NSD2: variants seen among roughly 807,000 people sequenced by gnomAD.
NSD2 encodes histone-lysine N-methyltransferase NSD2.
In NSD2, 12 loss-of-function variants were observed where a neutral mutation model predicts 139.0. That is an observed-to-expected ratio of 0.09 (90% CI 0.06 to 0.14). NSD2 has a LOEUF of 0.14. NSD2 is among the 10% of genes least tolerant of loss of function. The probability of loss-of-function intolerance (pLI) is 1.00; values close to 1 mark genes in which losing one functional copy is unlikely to be tolerated. For missense variants in NSD2, 1,155 were observed against 1,745.0 expected (o/e 0.66, Z 6.02); for synonymous variants, 669 against 648.7 (o/e 1.03, Z -0.48).
In NSD2 at chr4:1,953,543, A is replaced by C. The variant is rs775275012; in HGVS notation, c.2338+19A>C. 3 of 1,585,022 alleles carry C rather than the reference A, an allele frequency of 1.9e-6. No homozygotes were observed. Among genetic ancestry groups the C allele is most frequent in the Non-Finnish European group, 2.6e-6 (3 of 1,167,128 alleles). On this transcript the variant is annotated intron_variant, in intron 12 of 21. Transcript: ENST00000508803. Reference sequence around the variant, plus strand: ...TCAAAAGGTACAGGTGCACCTGCGCAGCCTTGCTGTGGGTTCAGATGCAGG... The same window carrying C: ...TCAAAAGGTACAGGTGCACCTGCGCCGCCTTGCTGTGGGTTCAGATGCAGG...
chr4:1,975,672 C>T, intron 20 of NSD2: 5 of 371,178 alleles, frequency 1.3e-5, no homozygotes. Context: ...GCCGTGCGCC[C>T]TCTGAAGGTT....
rs17132079 is a variant in NSD2 at position 1,902,112 on chromosome 4, T to G, written c.597+861T>G. Reference sequence around the variant, plus strand: ...TAGGGTGTTGCTTTTTAGTTGTAACTCCTTGAAATTGTTAAAATAATGAAG... The same window carrying G: ...TAGGGTGTTGCTTTTTAGTTGTAACGCCTTGAAATTGTTAAAATAATGAAG... On this transcript the variant is annotated intron_variant, in intron 2 of 21. Transcript: ENST00000508803. 9.1e-3 allele frequency among the ~76,000 whole-genome samples: 1,386 copies of G among 152,300 alleles called. 14 individuals carry two copies. Among genetic ancestry groups the G allele is most frequent in the Middle Eastern group, 0.054 (16 of 294 alleles).
At chr4:1,949,996 C>T (rs1724043926) in intron 9 of NSD2, among the ~76,000 whole-genome samples, 1 of 152,008 alleles carries the variant, frequency 6.6e-6, no homozygotes, top group African/African-American at 2.4e-5. Flanking sequence ...AACAGCAAGC[C>T]GATAACATAA....
intron 7 of NSD2, 23 bp from the exon 8 acceptor site, chr4:1,938,428 T>TTC (rs1235912766): frequency 8.4e-7 from 1 of 1,192,594 alleles, no homozygotes; most frequent in African/African-American, 1.7e-5. Flanking sequence ...TTTTTTTTTT[T>TTC]TTTTTTTTTT....
At chr4:1,963,474 C>T (rs115891278) in intron 18 of NSD2, among the ~76,000 whole-genome samples, 5 of 152,304 alleles carry the variant, frequency 3.3e-5, no homozygotes, top group Non-Finnish European at 5.9e-5. Context: ...TGTTAGACAT[C>T]GAAGCCCTAG....
At chr4:1,875,438 T>C (rs1714178860) in intron 1 of NSD2, among the ~76,000 whole-genome samples, 1 of 152,004 alleles carries the variant, frequency 6.6e-6, no homozygotes, top group Non-Finnish European at 1.5e-5. Context: ...TGTGCCACCA[T>C]GCCTGGCTAA....
intron 9 of NSD2, chr4:1,947,697 G>A (rs996882435): frequency 2.8e-6 from 3 of 1,054,302 alleles, no homozygotes; most frequent in Non-Finnish European, 3.4e-6. Flanking sequence ...CAAACACTGT[G>A]GAGGTACTTC....
chr4:1,955,787 C>T lies in NSD2; in HGVS notation c.2613C>T (p.Asp871=). The part of the protein sequence containing the change: ...EMPDGSWFCN[D]CRAGKKLHFQ... Reference sequence around the variant, plus strand: ...CTGACGGCAGCTGGTTCTGCAATGACTGCAGGGCTGGGAAGAAGCTGCACT... The same window carrying T: ...CTGACGGCAGCTGGTTCTGCAATGATTGCAGGGCTGGGAAGAAGCTGCACT... The change falls in exon 14 of 22, where the codon GAC becomes GAT. Residue 871 remains aspartate (D), a synonymous_variant. Transcript: ENST00000508803. This position sits in a 1 kb window ranked among gnomAD's most constrained non-coding sequence, Gnocchi z 4.7. The T allele has an allele frequency of 6.2e-7, 1 of 1,614,242 alleles. No individual in the cohort carries two copies. Among genetic ancestry groups the T allele is most frequent in the Non-Finnish European group, 8.5e-7 (1 of 1,180,040 alleles).
chr4:1,872,637 C>CGAGCGAGAGA (rs1375337847), intron 1 of NSD2, among the ~76,000 whole-genome samples: 19 of 81,750 alleles, frequency 2.3e-4, no homozygotes, highest in Admixed American at 8.5e-4. Flanking sequence ...AGAGAGAGAG[C>CGAGCGAGAGA]GCGCAGACCC....
chr4:1,917,190 T>C (rs1334627058), intron 4 of NSD2, among the ~76,000 whole-genome samples, 153 bp downstream of exon 4: 2 of 152,230 alleles, frequency 1.3e-5, no homozygotes, highest in African/African-American at 2.4e-5. Flanking sequence ...GGATGCCATG[T>C]TACAATATGA....
chr4:1,913,616 C>T (rs890665928), intron 3 of NSD2, among the ~76,000 whole-genome samples: 4 of 152,202 alleles, frequency 2.6e-5, no homozygotes, highest in African/African-American at 4.8e-5. Context: ...CTCTCTGCCT[C>T]GGCTACCAAA....
chr4:1,903,078 G>A lies in NSD2; in HGVS notation c.598-1138G>A, dbSNP rs1057446455. Among the ~76,000 whole-genome samples, 14 of 152,214 alleles carry A rather than the reference G, an allele frequency of 9.2e-5. No individual in the cohort carries two copies. The East Asian group carries it at 2.3e-3, about 25-fold the overall frequency. On this transcript the variant is annotated intron_variant, in intron 2 of 21. Transcript: ENST00000508803. ...CCCAGCTACTAGGGAGGCTGAGATG[G>A]GAGGATCAAAAAAACATGAAAATGT...
Position 1,979,341 on chromosome 4 carries a change from T to A in NSD2, c.*432T>A, listed in dbSNP as rs1727512239. On this transcript the variant is annotated 3_prime_UTR_variant, in exon 22 of 22. Transcript: ENST00000508803. ...TTCTGGCTCTCAGCGCCGTCGCCAC[T>A]CGGGAGAGGCTGGGTGAGGCCCGTG... is the stretch of plus-strand genomic sequence containing the variant. 2 of 239,070 alleles carry A rather than the reference T, an allele frequency of 8.4e-6. No individual in the cohort carries two copies. The highest frequency in any genetic ancestry group is 1.6e-5 in the Non-Finnish European group (2 of 122,446). The allele number at this position is 239,070 out of a possible 1,614,324, so 14.8% of individuals were successfully genotyped here.
Position 1,951,180 on chromosome 4 carries a change from G to A in NSD2, c.1990G>A (p.Ala664Thr). 1.2e-6 allele frequency: 2 copies of A among 1,614,140 alleles called. No homozygotes were observed. The highest frequency in any genetic ancestry group is 1.7e-6 in the Non-Finnish European group (2 of 1,179,996). Reference protein sequence around the residue: ...SSKKSERGVTAKKEYVCQLCE... With the variant: ...SSKKSERGVTTKKEYVCQLCE... ...CAAAAAGTCTGAGCGAGGAGTGACT[G>A]CCAAAAAGGAGTATGTGTGCCAGGT... Residue 664 changes from alanine (A) to threonine (T), a missense_variant, in exon 10 of 22, where the codon GCC becomes ACC. Around this residue, in one of 8 missense-constraint regions of NSD2, gnomAD observed 120 missense variants for 239.3 expected, o/e 0.50. Coordinates refer to ENST00000508803, the MANE Select transcript of NSD2 (RefSeq NM_001042424.3).
Position 1,955,610 on chromosome 4 carries a change from A to G in NSD2, c.2519-83A>G, listed in dbSNP as rs1283829992. ...CTGATGTTTATAAGTTAAGGCTGTA[A>G]TAAGTGTAGACTGTGAAGCACTGAA... is the stretch of plus-strand genomic sequence containing the variant. On this transcript the variant is annotated intron_variant, in intron 13 of 21. Transcript: ENST00000508803. The surrounding 1 kb of genome is among the most constrained non-coding windows in gnomAD (Gnocchi z 4.7). 1.5e-5 allele frequency: 22 copies of G among 1,459,486 alleles called. No homozygotes were observed. The highest frequency in any genetic ancestry group is 4.3e-5 in the African/African-American group (3 of 70,526). 90.4% of individuals were successfully genotyped at this position (1,459,486 alleles called of 1,614,324 possible).
chr4:1,918,407 G>A lies in NSD2; in HGVS notation c.1194G>A (p.Lys398=). The A allele has an allele frequency of 9.3e-6, 15 of 1,614,142 alleles. No individual in the cohort carries two copies. Among genetic ancestry groups the A allele is most frequent in the Non-Finnish European group, 1.3e-5 (15 of 1,180,034 alleles). The part of the protein sequence containing the change: ...KSVREECIPM[K]RRRRAKLCSS... ...TGAGAGAAGAGTGCATTCCCATGAA[G>A]AGAAGGCGGAGGGCCAAACTGTGTA... is the stretch of plus-strand genomic sequence containing the variant. The change falls in exon 5 of 22, where the codon AAG becomes AAA. Residue 398 remains lysine, a synonymous_variant. Transcript: ENST00000508803.
chr4:1,889,628 G>A (rs11248081), intron 1 of NSD2, among the ~76,000 whole-genome samples: 9,511 of 151,656 alleles, frequency 0.063, 1,024 homozygotes, highest in African/African-American at 0.22. Context: ...CAGCCTCCCA[G>A]GTAACTGGGA....
intron 9 of NSD2, chr4:1,941,949 A>G: frequency 1.9e-6 from 2 of 1,078,984 alleles, no homozygotes; most frequent in Non-Finnish European, 2.3e-6. Flanking sequence ...CCCGATTCTG[A>G]TATGAGTTAG....
At chr4:1,925,549 C>T (rs572472570) in intron 5 of NSD2, among the ~76,000 whole-genome samples, 1 of 151,100 alleles carries the variant, frequency 6.6e-6, no homozygotes, top group African/African-American at 2.4e-5. Context: ...CAGGCACATG[C>T]CACCACATCC....
Sources: allele counts gnomAD v4.1 joint callset (sites outside exome capture counted in the v4.1 genomes callset), GRCh38; gene constraint gnomAD v4.1.1; regional missense constraint gnomAD v4.1.1; non-coding constraint Gnocchi (gnomAD v3.1); transcripts MANE v1.5; gene names NCBI Gene and HGNC (gene_info 2026-07-23, HGNC 2026-07-21).